WDR19: variants seen among roughly 807,000 people sequenced by gnomAD.
WDR19 encodes the protein WD repeat domain 19.
Under a neutral mutation model 180.0 loss-of-function variants are expected in WDR19, and 121 were observed. The observed-to-expected ratio is 0.67, with a 90% confidence interval of 0.58 to 0.78. The LOEUF is 0.78. Among genes scored for constraint, WDR19 ranks in the 30% least tolerant of loss-of-function variants. The probability of loss-of-function intolerance (pLI) is 0.00; values close to 1 mark genes in which losing one functional copy is unlikely to be tolerated. For missense variants in WDR19, 1,450 were observed against 1,640.7 expected (o/e 0.88, Z 2.01); for synonymous variants, 497 against 540.7 (o/e 0.92, Z 1.12).
In WDR19 at chr4:39,244,292, A is replaced by T. The variant is rs772209666; in HGVS notation, c.2466A>T (p.Ile822=). ...TGGCTGGAGTGGCCCAGATGTCCAT[A>T]AGAATGGGAGACATACGTCGAGGGG... The part of the protein sequence containing the change: ...ACLAGVAQMS[I]RMGDIRRGVN... The change falls in exon 22 of 37, where the codon ATA becomes ATT. Residue 822 remains isoleucine, a synonymous_variant. Coordinates refer to ENST00000399820, the MANE Select transcript of WDR19 (RefSeq NM_025132.4). 6.2e-7 allele frequency: 1 copy of T among 1,613,798 alleles called. No homozygotes were observed. The highest frequency in any genetic ancestry group is 8.5e-7 in the Non-Finnish European group (1 of 1,179,832).
chr4:39,255,405 T>C (rs896885244), intron 26 of WDR19, among the ~76,000 whole-genome samples: 1 of 152,142 alleles, frequency 6.6e-6, no homozygotes. Context: ...AAACAATGAG[T>C]TGGAATTCCA....
chr4:39,212,926 A>G (rs1728700628), intron 9 of WDR19, among the ~76,000 whole-genome samples: 1 of 152,240 alleles, frequency 6.6e-6, no homozygotes, highest in Non-Finnish European at 1.5e-5. Context: ...AAACAACCCT[A>G]TTAGAAAATA....
chr4:39,236,883 A>G (rs1187282854), intron 20 of WDR19, among the ~76,000 whole-genome samples: 1 of 152,220 alleles, frequency 6.6e-6, no homozygotes, highest in African/African-American at 2.4e-5. Flanking sequence ...GACAGACTAT[A>G]CATTTTTATT....
chr4:39,258,550 T>C (rs778235855), intron 28 of WDR19, among the ~76,000 whole-genome samples: 2 of 152,180 alleles, frequency 1.3e-5, no homozygotes, highest in Non-Finnish European at 2.9e-5. Flanking sequence ...TTTTGAGTTG[T>C]CTCCAGTTTG....
chr4:39,278,562 G>T lies in WDR19; in HGVS notation c.3941G>T (p.Cys1314Phe). 6.2e-7 allele frequency: 1 copy of T among 1,613,354 alleles called. No individual in the cohort carries two copies. The highest frequency in any genetic ancestry group is 8.5e-7 in the Non-Finnish European group (1 of 1,179,450). The change falls in exon 36 of 37, where the codon TGT (cysteine) becomes TTT (phenylalanine). Residue 1314 changes from cysteine to phenylalanine, a missense_variant. Transcript: ENST00000399820. ...LKIMLNTESTCPMCSERLNAA... is the reference protein window; with the variant it reads ...LKIMLNTESTFPMCSERLNAA... ...AGCATGCTAAACACTGAAAGCACAT[G>T]TCCTATGTGTTCAGAAAGATTAAAC...
At chr4:39,250,275 A>G (rs1733014864) in intron 24 of WDR19, among the ~76,000 whole-genome samples, 2 of 152,350 alleles carry the variant, frequency 1.3e-5, no homozygotes, top group African/African-American at 4.8e-5. Flanking sequence ...ATCTCAACAG[A>G]TGCAGAAAAG....
chr4:39,226,936 G>A (rs781418819), intron 15 of WDR19, among the ~76,000 whole-genome samples: 2 of 152,048 alleles, frequency 1.3e-5, no homozygotes, highest in South Asian at 2.1e-4. Flanking sequence ...GTGTAAAAGC[G>A]TTCCTCTTTC....
intron 33 of WDR19, among the ~76,000 whole-genome samples, chr4:39,276,734 A>G (rs1444806671): frequency 6.6e-6 from 1 of 152,196 alleles, no homozygotes; most frequent in Non-Finnish European, 1.5e-5. Context: ...GGAAGAGAGA[A>G]GACCGCAAGA....
At chr4:39,251,024 G>A (rs1293458918) in intron 24 of WDR19, among the ~76,000 whole-genome samples, 3 of 151,834 alleles carry the variant, frequency 2.0e-5, no homozygotes, top group African/African-American at 7.3e-5. Flanking sequence ...AGTTCATATG[G>A]AACCAAAAAA....
rs1402989175 is a variant in WDR19, at chr4:39,228,256, A to C, written c.1676A>C (p.Lys559Thr). Residue 559 changes from lysine (K) to threonine (T), a missense_variant, in exon 16 of 37, where the codon AAA becomes ACA. By Grantham distance (78) the Lys-to-Thr change is moderately conservative (BLOSUM62 -1). Coordinates refer to ENST00000399820, the MANE Select transcript of WDR19 (RefSeq NM_025132.4). ...YEIPDFSPTI[K>T]GVLWENWPMD... is the part of the protein sequence containing the mutation. ...ATTCCAGATTTTTCACCAACCATTA[A>C]AGGTGTTCTTTGGGAAAACTGGCCA... is the stretch of plus-strand genomic sequence containing the variant. The C allele has an allele frequency of 6.2e-7, 1 of 1,613,568 alleles. No homozygotes were observed. The highest frequency in any genetic ancestry group is 1.1e-5 in the South Asian group (1 of 91,030).
At chr4:39,248,448 T>C (rs1345989970) in intron 24 of WDR19, among the ~76,000 whole-genome samples, 1 of 152,178 alleles carries the variant, frequency 6.6e-6, no homozygotes, top group Non-Finnish European at 1.5e-5. Context: ...CATCAACTAA[T>C]GGGCAAAATA....
At chr4:39,192,578 T>G (rs765124533) in intron 4 of WDR19, among the ~76,000 whole-genome samples, 3 of 152,128 alleles carry the variant, frequency 2.0e-5, no homozygotes, top group Non-Finnish European at 1.5e-5. Context: ...AAAGCGATTC[T>G]CCTGCCTCAG....
chr4:39,271,697 C>T (rs532377566), intron 31 of WDR19, among the ~76,000 whole-genome samples: 47 of 152,274 alleles, frequency 3.1e-4, no homozygotes, highest in African/African-American at 9.9e-4. Context: ...TCATTTATGT[C>T]GCAGTACATC....
At position 39,231,834 on chromosome 4, in the gene WDR19, G is replaced by A. The variant is rs1489151373; in HGVS notation, c.2020G>A (p.Asp674Asn). Residue 674 changes from aspartate (D) to asparagine (N), a missense_variant, in exon 18 of 37, where the codon GAT becomes AAT. By Grantham distance (23) the Asp-to-Asn change is conservative. Transcript: ENST00000399820. ...DAWEMCRILN[D>N]EAAWNELARA... ...TTGGGAAATGTGCAGGATTCTGAATGATGAGGCTGCCTGGAATGAGTTGGC... is the reference window on the plus strand; with the variant it reads ...TTGGGAAATGTGCAGGATTCTGAATAATGAGGCTGCCTGGAATGAGTTGGC... 6.2e-7 allele frequency: 1 copy of A among 1,601,300 alleles called. No homozygotes were observed.
Position 39,280,119 on chromosome 4 carries a change from GTTT to G in WDR19, c.*13+1476_*13+1478del, listed in dbSNP as rs551041321. ...TTTGTGGGTTTTTTTCCCTTTTCTT[GTTT>G]TTTTTTTTTTTTTTTTTTTAATAGA... On this transcript the variant is annotated intron_variant, in intron 36 of 36. Coordinates refer to ENST00000399820, the MANE Select transcript of WDR19 (RefSeq NM_025132.4). 1.1e-3 allele frequency among the ~76,000 whole-genome samples: 61 copies of G among 53,966 alleles called. 1 individual carries two copies. The highest frequency in any genetic ancestry group is 1.2e-3 in the Non-Finnish European group (32 of 27,732). The allele number at this position is 53,966 out of a possible 152,430, so 35.4% of individuals were successfully genotyped here. A position where few individuals can be genotyped will look rare whatever the true frequency, so the allele number is the denominator to read the frequency against.
chr4:39,228,756 A>G (rs993497087), intron 17 of WDR19, 66 bp downstream of exon 17: 2 of 1,427,396 alleles, frequency 1.4e-6, no homozygotes, highest in East Asian at 2.3e-5. Context: ...GTCAAATCCT[A>G]TAATTATTCT....
intron 21 of WDR19, among the ~76,000 whole-genome samples, chr4:39,243,253 A>T (rs562874202): frequency 7.2e-5 from 11 of 152,310 alleles, no homozygotes; most frequent in African/African-American, 2.6e-4. Flanking sequence ...ATTGCTGTTC[A>T]AAAGAAATTG....
chr4:39,278,070 G>A, intron 34 of WDR19, 61 bp from the exon 35 acceptor site: 4 of 1,319,632 alleles, frequency 3.0e-6, no homozygotes, highest in Admixed American at 2.4e-5. Context: ...AAAAAAAATT[G>A]ACTAACAGTG....
Position 39,247,323 on chromosome 4 carries a change from A to C in WDR19, c.2729+1871A>C, listed in dbSNP as rs549797002. Among the ~76,000 whole-genome samples, 6 of 152,332 alleles carry C rather than the reference A, an allele frequency of 3.9e-5. No individual in the cohort carries two copies. In the East Asian group the frequency reaches 1.2e-3, roughly 29 times the overall value. ...ACTGTTAGAAGGAAAACTAACAAACAGAAAGGACATCCACACCAAAAACCC... is the reference window on the plus strand; with the variant it reads ...ACTGTTAGAAGGAAAACTAACAAACCGAAAGGACATCCACACCAAAAACCC... On this transcript the variant is annotated intron_variant, in intron 24 of 36. Transcript: ENST00000399820.
Sources: allele counts gnomAD v4.1 joint callset (sites outside exome capture counted in the v4.1 genomes callset), GRCh38; gene constraint gnomAD v4.1.1; transcripts MANE v1.5; gene names NCBI Gene and HGNC (gene_info 2026-07-23, HGNC 2026-07-21).